Variants in CACNA1B observed in about 807,000 individuals in gnomAD.
CACNA1B encodes the protein voltage-dependent N-type calcium channel subunit alpha-1B.
CACNA1B carries 70 observed loss-of-function variants against 247.2 expected under a neutral mutation model. The observed-to-expected ratio is 0.28, with a 90% CI of 0.23 to 0.35. The LOEUF is 0.35. Among genes scored for constraint, CACNA1B ranks in the 10% least tolerant of loss-of-function variants. The pLI is 1.00. For synonymous variants in CACNA1B, 1,231 were observed against 1,294.4 expected (o/e 0.95, Z 1.05); for missense variants, 2,367 against 3,197.4 (o/e 0.74, Z 6.26).
At chr9:138,028,861 C>T (rs1272689938) in intron 20 of CACNA1B, among the ~76,000 whole-genome samples, 2 of 152,148 alleles carry the variant, frequency 1.3e-5, no homozygotes, top group Non-Finnish European at 2.9e-5. Context: ...TTCAGGTGAG[C>T]TCTAAAAGTT....
intron 36 of CACNA1B, among the ~76,000 whole-genome samples, chr9:138,091,523 A>ATTTCAAATAT (rs1960879418): frequency 6.6e-6 from 1 of 152,220 alleles, no homozygotes; most frequent in South Asian, 2.1e-4. Context: ...ATTTTCAAAT[A>ATTTCAAATAT]TTTCAAATAT....
intron 3 of CACNA1B, among the ~76,000 whole-genome samples, chr9:137,909,918 C>A (rs1957341991): frequency 6.6e-6 from 1 of 152,010 alleles, no homozygotes; most frequent in South Asian, 2.1e-4. Context: ...TTACAGGCCC[C>A]CATCACCATG....
At chr9:137,944,941 C>A (rs1220692344) in intron 6 of CACNA1B, among the ~76,000 whole-genome samples, 1 of 152,126 alleles carries the variant, frequency 6.6e-6, no homozygotes, top group African/African-American at 2.4e-5. Context: ...AAAAGGGGGT[C>A]ATCTACAATA....
chr9:138,037,775 A>T (rs1959065441), intron 20 of CACNA1B, among the ~76,000 whole-genome samples: 1 of 151,982 alleles, frequency 6.6e-6, no homozygotes, highest in Non-Finnish European at 1.5e-5. Context: ...GTCATGTCTG[A>T]TGTCTCTTTG....
intron 42 of CACNA1B, among the ~76,000 whole-genome samples, chr9:138,117,614 C>T (rs566697413): frequency 2.0e-5 from 3 of 152,316 alleles, no homozygotes; most frequent in East Asian, 1.9e-4. Flanking sequence ...TCCAGAGGAG[C>T]GGGTGACGGA....
intron 36 of CACNA1B, among the ~76,000 whole-genome samples, chr9:138,082,714 A>G (rs1033447187): frequency 2.0e-5 from 3 of 151,274 alleles, no homozygotes; most frequent in Non-Finnish European, 4.4e-5. Flanking sequence ...AAAACAACCC[A>G]ATTAAGAAAT....
intron 41 of CACNA1B, 80 bp downstream of exon 41, chr9:138,114,570 G>A: frequency 1.5e-6 from 1 of 679,868 alleles, no homozygotes; most frequent in Non-Finnish European, 2.6e-6. Flanking sequence ...TGACGACGGG[G>A]GAGATGCACA....
intron 15 of CACNA1B, among the ~76,000 whole-genome samples, 187 bp from the exon 16 acceptor site, chr9:138,006,580 C>T (rs1564234136): frequency 6.6e-6 from 1 of 152,222 alleles, no homozygotes; most frequent in Non-Finnish European, 1.5e-5. Flanking sequence ...CTTCTGGAAG[C>T]TTTTCTGGAG....
At chr9:137,943,629 T>C (rs1344450968) in intron 6 of CACNA1B, among the ~76,000 whole-genome samples, 1 of 151,096 alleles carries the variant, frequency 6.6e-6, no homozygotes, top group Non-Finnish European at 1.5e-5. Context: ...AGACAAAGAG[T>C]ATATTTGGAA....
chr9:138,086,881 A>G (rs1960710413), intron 36 of CACNA1B, among the ~76,000 whole-genome samples: 1 of 151,364 alleles, frequency 6.6e-6, no homozygotes, highest in Non-Finnish European at 1.5e-5. Context: ...GCTTCATCAC[A>G]TGGAAGATAA....
chr9:138,038,545 G>C (rs1286318204), intron 20 of CACNA1B, among the ~76,000 whole-genome samples: 1 of 152,182 alleles, frequency 6.6e-6, no homozygotes, highest in African/African-American at 2.4e-5. Context: ...CATCCCCCAA[G>C]GTGGCACTTA....
At chr9:138,070,851 T>G (rs1960105664) in intron 32 of CACNA1B, among the ~76,000 whole-genome samples, 1 of 152,206 alleles carries the variant, frequency 6.6e-6, no homozygotes, top group Non-Finnish European at 1.5e-5. Flanking sequence ...CGTCTTCAAT[T>G]GTCAGTCTCA....
intron 37 of CACNA1B, among the ~76,000 whole-genome samples, chr9:138,098,190 C>T (rs1377311015): frequency 6.6e-6 from 1 of 152,198 alleles, no homozygotes; most frequent in Non-Finnish European, 1.5e-5. Flanking sequence ...CTGTCATGTC[C>T]GATGCAGCAA....
At chr9:137,886,238 A>ATGAGTGATGAGCGGATGGTGATGAG (rs1957009872) in intron 3 of CACNA1B, among the ~76,000 whole-genome samples, 1 of 151,044 alleles carries the variant, frequency 6.6e-6, no homozygotes, top group Non-Finnish European at 1.5e-5. Flanking sequence ...TGGGGTGAGG[A>ATGAGTGATGAGCGGATGGTGATGAG]CAGGGGTCCG....
rs1482905582 is a variant in CACNA1B at position 138,073,297 on chromosome 9, A to T, written c.4675-191A>T. Among the ~76,000 whole-genome samples, 1 of 152,182 alleles carries T rather than the reference A, an allele frequency of 6.6e-6. No individual in the cohort carries two copies. Among genetic ancestry groups the T allele is most frequent in the East Asian group, 1.9e-4 (1 of 5,192 alleles). ...GCATGAGAAGTGATTTGCAAGGACA[A>T]GCTTTACTTCTGGAAGATTTTCTGG... On this transcript the variant is annotated intron_variant, in intron 32 of 46. Coordinates refer to ENST00000371372, the MANE Select transcript of CACNA1B (RefSeq NM_000718.4). This position sits in a 1 kb window ranked among gnomAD's most constrained non-coding sequence, Gnocchi z 6.4.
intron 36 of CACNA1B, among the ~76,000 whole-genome samples, chr9:138,086,676 C>T (rs576047016): frequency 2.0e-5 from 3 of 151,138 alleles, no homozygotes; most frequent in Non-Finnish European, 4.4e-5. Context: ...ATTATTAGAT[C>T]CAAAAAGAGA....
chr9:137,978,196 C>G (rs1448971296), intron 12 of CACNA1B, among the ~76,000 whole-genome samples: 1 of 141,336 alleles, frequency 7.1e-6, no homozygotes, highest in South Asian at 2.3e-4. Context: ...GCATTGCCCC[C>G]CCCCAGGAAA....
intron 20 of CACNA1B, among the ~76,000 whole-genome samples, chr9:138,030,365 T>G (rs1958974186): frequency 6.6e-6 from 1 of 152,164 alleles, no homozygotes; most frequent in Non-Finnish European, 1.5e-5. Flanking sequence ...TCGTGTGTGT[T>G]TTTTCTGTTA....
intron 3 of CACNA1B, among the ~76,000 whole-genome samples, chr9:137,908,000 C>T (rs1957316513): frequency 6.6e-6 from 1 of 152,214 alleles, no homozygotes; most frequent in East Asian, 1.9e-4. Context: ...ATACGTCAGG[C>T]CTGTTTCTGG....
Sources: allele counts gnomAD v4.1 joint callset (sites outside exome capture counted in the v4.1 genomes callset), GRCh38; gene constraint gnomAD v4.1.1; non-coding constraint Gnocchi (gnomAD v3.1); transcripts MANE v1.5; gene names NCBI Gene and HGNC (gene_info 2026-07-23, HGNC 2026-07-21).